Variants in USP54 observed in about 807,000 individuals in gnomAD.
USP54 encodes the protein ubiquitin carboxyl-terminal hydrolase 54.
USP54 carries 87 observed loss-of-function variants against 170.5 expected under a neutral mutation model. That is an observed-to-expected ratio of 0.51 (90% CI 0.43 to 0.61). The LOEUF (loss-of-function observed/expected upper bound fraction) is 0.61. Ranked by LOEUF, USP54 falls within the 20% of genes least tolerant of loss-of-function variation. The pLI, the probability that USP54 is intolerant of heterozygous loss-of-function variation, is 0.00. For synonymous variants in USP54, 655 were observed against 742.8 expected (o/e 0.88, Z 1.92); for missense variants, 1,786 against 2,047.8 (o/e 0.87, Z 2.47).
intron 1 of USP54, chr10:73,624,389 G>T (rs767621147): frequency 9.8e-5 from 7 of 71,766 alleles, no homozygotes; most frequent in Non-Finnish European, 1.8e-4. Context: ...TAGTAGAGAC[G>T]GGGGGGGGGG....
rs889520005 is a variant in USP54, at chr10:73,576,145, C to T, written c.-365G>A. On this transcript the variant is annotated 5_prime_UTR_variant, in exon 2 of 24. Coordinates refer to ENST00000687698, the MANE Select transcript of USP54 (RefSeq NM_001391956.1). The stretch of plus-strand genomic sequence containing the variant: ...ACATGATCCTCCTCACCCTCTATTG[C>T]CTTGTCTCATCATCCTCTGAAGCAA... The T allele has an allele frequency of 3.3e-5, 5 of 152,258 alleles. No individual in the cohort carries two copies. Among genetic ancestry groups the T allele is most frequent in the African/African-American group, 9.7e-5 (4 of 41,438 alleles). 9.4% of individuals were successfully genotyped at this position (152,258 alleles called of 1,614,324 possible).
rs757260674 is a variant in USP54 at position 73,517,006 on chromosome 10, C to G, written c.3420G>C (p.Gln1140His). Reference protein sequence around the residue: ...RSLAEQFQRMQGVSMRDSTGF... With the variant: ...RSLAEQFQRMHGVSMRDSTGF... ...CTGTACTATCCCTCATGGAGACACC[C>G]TGCATCCTCTGGAACTGCTCAGCCA... The change falls in exon 20 of 24, where the codon CAG (glutamine) becomes CAC (histidine). Residue 1140 changes from glutamine to histidine, a missense_variant. Gln to His is a conservative substitution (Grantham distance 24). This residue lies in a region of USP54 where 1,418 missense variants were observed against 1,569.0 expected (regional missense o/e 0.90). Coordinates refer to ENST00000687698, the MANE Select transcript of USP54 (RefSeq NM_001391956.1). The G allele has an allele frequency of 5.6e-6, 9 of 1,614,260 alleles. No homozygotes were observed. The South Asian group carries it at 8.8e-5, about 16-fold the overall frequency.
At chr10:73,595,883 G>A (rs2078685916), upstream of USP54, among the ~76,000 whole-genome samples, 1 of 151,320 alleles carries the variant, frequency 6.6e-6, no homozygotes, top group Admixed American at 6.6e-5. Context: ...GCCAAGGCAG[G>A]CGGATCTCTT....
In USP54 at chr10:73,504,858, G is replaced by A. The variant is rs376012785; in HGVS notation, c.4303C>T (p.His1435Tyr). Residue 1435 changes from histidine to tyrosine, a missense_variant, in exon 22 of 24, where the codon CAC becomes TAC. By Grantham distance (83) the His-to-Tyr change is moderately conservative. Transcript: ENST00000687698. ...ACCCTGATTCTACTTACAAAACTGT[G>A]GGAAGAAACCGGAGCTTCCTCCCTC... ...SEREEAPVSSHSFDSSNVRKP... is the reference protein window; with the variant it reads ...SEREEAPVSSYSFDSSNVRKP... 2.4e-5 allele frequency: 38 copies of A among 1,613,990 alleles called. No homozygotes were observed. The highest frequency in any genetic ancestry group is 3.1e-5 in the Non-Finnish European group (36 of 1,180,014).
At chr10:73,580,020 T>C (rs914440139) in intron 1 of USP54, among the ~76,000 whole-genome samples, 2 of 151,978 alleles carry the variant, frequency 1.3e-5, no homozygotes, top group Non-Finnish European at 2.9e-5. Context: ...CTCTCCTACA[T>C]TGTTTATGGA....
At chr10:73,511,096 CTTT>C (rs777196673) in intron 20 of USP54, among the ~76,000 whole-genome samples, 10 of 121,552 alleles carry the variant, frequency 8.2e-5, no homozygotes, top group Middle Eastern at 3.9e-3. Flanking sequence ...ATGAAAACAC[CTTT>C]TTTTTTTTTT....
chr10:73,504,139 C>T (rs1416983034), intron 22 of USP54: 1 of 152,194 alleles, frequency 6.6e-6, no homozygotes, highest in Non-Finnish European at 1.5e-5. Flanking sequence ...ATTTTTGTAC[C>T]ATGTATTTAA....
intron 3 of USP54, among the ~76,000 whole-genome samples, chr10:73,574,766 G>A (rs1161629294): frequency 1.3e-5 from 2 of 151,350 alleles, no homozygotes; most frequent in African/African-American, 4.9e-5. Flanking sequence ...GACTGAGGCA[G>A]TAGGATCACC....
At chr10:73,523,880 T>TTATTTATTATTTA in intron 16 of USP54, 130 bp from the exon 17 acceptor site, 1 of 160,882 alleles carries the variant, frequency 6.2e-6, no homozygotes, top group Admixed American at 6.9e-5. Context: ...TTATTTATTA[T>TTATTTATTATTTA]TTATTATTAT....
chr10:73,543,403 G>C (rs1237564723), intron 5 of USP54, among the ~76,000 whole-genome samples: 1 of 152,048 alleles, frequency 6.6e-6, no homozygotes, highest in Non-Finnish European at 1.5e-5. Flanking sequence ...GTCTCGCTCT[G>C]TCACCCAGGC....
intron 4 of USP54, among the ~76,000 whole-genome samples, chr10:73,547,157 G>A (rs1236919264): frequency 3.3e-5 from 5 of 152,062 alleles, no homozygotes; most frequent in Admixed American, 1.3e-4. Context: ...AGTGGCACAC[G>A]CCTATAATGC....
chr10:73,514,599 C>T (rs867081557), intron 20 of USP54, among the ~76,000 whole-genome samples: 1 of 151,700 alleles, frequency 6.6e-6, no homozygotes, highest in Non-Finnish European at 1.5e-5. Context: ...TTCTTGCTTC[C>T]TTAGATAGAA....
Position 73,516,813 on chromosome 10 carries a change from G to T in USP54, c.3613C>A (p.His1205Asn). Reference sequence around the variant, plus strand: ...CCAGAGTTTAAGGCAAGAGAAGAATGTTCAGTGGACTCTTCCCAGGAAAGT... The same window carrying T: ...CCAGAGTTTAAGGCAAGAGAAGAATTTTCAGTGGACTCTTCCCAGGAAAGT... Reference protein sequence around the residue: ...RPLSWEESTEHSSLALNSGLP... With the variant: ...RPLSWEESTENSSLALNSGLP... The change falls in exon 20 of 24, where the codon CAT becomes AAT. Residue 1205 changes from histidine to asparagine, a missense_variant. His to Asn is a moderately conservative substitution (Grantham distance 68). This residue lies in a region of USP54 where 1,418 missense variants were observed against 1,569.0 expected (regional missense o/e 0.90). Transcript: ENST00000687698. 1 of 1,614,222 alleles carries T rather than the reference G, an allele frequency of 6.2e-7. No individual in the cohort carries two copies. The highest frequency in any genetic ancestry group is 8.5e-7 in the Non-Finnish European group (1 of 1,180,040).
chr10:73,530,256 T>C lies in USP54; in HGVS notation c.1715A>G (p.Tyr572Cys), dbSNP rs1485616296. ...TCGTTTGGGTCTCCATGTGGGACGA[T>C]ACTTGCTGGAAGAACTGGATTTTGA... ...SESKSSSSSK[Y>C]RPTWRPKRES... is the part of the protein sequence containing the mutation. Residue 572 changes from tyrosine (Y) to cysteine (C), a missense_variant, in exon 14 of 24, where the codon TAT becomes TGT. Transcript: ENST00000687698. The C allele has an allele frequency of 1.9e-6, 3 of 1,614,090 alleles. No homozygotes were observed. Among genetic ancestry groups the C allele is most frequent in the Non-Finnish European group, 2.5e-6 (3 of 1,180,052 alleles).
intron 20 of USP54, among the ~76,000 whole-genome samples, chr10:73,507,754 G>A (rs899450537): frequency 6.6e-6 from 1 of 150,926 alleles, no homozygotes; most frequent in East Asian, 1.9e-4. Flanking sequence ...TTGGGAGACT[G>A]AGGCAGTAGG....
At chr10:73,614,358 G>A (rs573780030) in intron 1 of USP54, among the ~76,000 whole-genome samples, 17 of 149,988 alleles carry the variant, frequency 1.1e-4, no homozygotes, top group Non-Finnish European at 2.1e-4. Context: ...TCAGGAGTTC[G>A]AGACCAGCAT....
chr10:73,533,682 C>T (rs887116661), intron 12 of USP54, among the ~76,000 whole-genome samples: 1 of 152,210 alleles, frequency 6.6e-6, no homozygotes, highest in African/African-American at 2.4e-5. Flanking sequence ...AATAAACTTT[C>T]CATCTCAGCA....
rs530256764 is a variant in USP54 at position 73,610,110 on chromosome 10, G to A, written c.-18+15457C>T. Among the ~76,000 whole-genome samples the A allele has an allele frequency of 1.2e-4, 18 of 152,056 alleles. No individual in the cohort carries two copies. The South Asian group carries it at 1.2e-3, about 11-fold the overall frequency. ...TGAGAATCACTTGAACCTGGGAGGC[G>A]GAGGCTGCAGTGAGCTGAGATCACA... On this transcript the variant is annotated intron_variant, in intron 1 of 22. Coordinates refer to the USP54 transcript ENST00000339859.
At chr10:73,580,583 T>G (rs1019976273) in intron 1 of USP54, among the ~76,000 whole-genome samples, 10 of 152,102 alleles carry the variant, frequency 6.6e-5, no homozygotes, top group Non-Finnish European at 1.5e-4. Context: ...TTTATTTATT[T>G]ATTTTTGAGA....
Sources: allele counts gnomAD v4.1 joint callset (sites outside exome capture counted in the v4.1 genomes callset), GRCh38; gene constraint gnomAD v4.1.1; regional missense constraint gnomAD v4.1.1; transcripts MANE v1.5; gene names NCBI Gene and HGNC (gene_info 2026-07-23, HGNC 2026-07-21).